Variants in SHROOM4 observed in about 807,000 individuals in gnomAD.
SHROOM4 encodes the protein shroom family member 4.
Under a neutral mutation model 80.3 loss-of-function variants are expected in SHROOM4, and 17 were observed. The ratio of observed to expected loss-of-function variants is 0.21; its 90% CI spans 0.14 to 0.32. The LOEUF (loss-of-function observed/expected upper bound fraction) is 0.32. Among genes scored for constraint, SHROOM4 ranks in the 10% least tolerant of loss-of-function variants. The probability of loss-of-function intolerance (pLI) is 1.00; values close to 1 mark genes in which losing one functional copy is unlikely to be tolerated. For missense variants in SHROOM4, 993 were observed against 1,140.3 expected (o/e 0.87, Z 1.86); for synonymous variants, 400 against 437.5 (o/e 0.91, Z 1.07).
chrX:50,683,597 T>C (rs1452856778), intron 2 of SHROOM4, among the ~76,000 whole-genome samples: 4 of 111,639 alleles, frequency 3.6e-5, no homozygotes, highest in Middle Eastern at 4.2e-3. Context: ...CAATTAGATA[T>C]AGCAATAAGG....
At position 50,695,926 on chromosome X, in the gene SHROOM4, T is replaced by C; in HGVS notation, c.129A>G (p.Gly43=). The C allele has an allele frequency of 8.3e-6, 10 of 1,211,830 alleles. No individual in the cohort carries two copies. Among genetic ancestry groups the C allele is most frequent in the Non-Finnish European group, 1.1e-5 (10 of 895,488 alleles). ...TCTTCTGGGACAAAGCTGCCTTGCC[T>C]CCATCTTCAATCTGTGTTGCAGAGA... The part of the protein sequence containing the change: ...EPLTVSKIED[G]GKAALSQKMR... Residue 43 remains glycine, a synonymous_variant, in exon 2 of 9, where the codon GGA becomes GGG. Transcript: ENST00000376020.
intron 1 of SHROOM4, among the ~76,000 whole-genome samples, chrX:50,756,679 C>T (rs1301348116): frequency 1.8e-4 from 20 of 112,086 alleles, no homozygotes; most frequent in African/African-American, 6.5e-4. Context: ...AATAGATAGC[C>T]ATTCCAGTGG....
intron 2 of SHROOM4, among the ~76,000 whole-genome samples, chrX:50,673,358 G>A (rs1378309981): frequency 9.0e-6 from 1 of 111,131 alleles, no homozygotes; most frequent in Admixed American, 9.6e-5. Context: ...GATACATGAT[G>A]TATATCTAAT....
intron 5 of SHROOM4, among the ~76,000 whole-genome samples, chrX:50,615,206 G>C (rs1370990536): frequency 9.1e-6 from 1 of 110,104 alleles, no homozygotes; most frequent in African/African-American, 3.3e-5. Context: ...ATCTGATTTT[G>C]TTATACATTT....
intron 2 of SHROOM4, among the ~76,000 whole-genome samples, chrX:50,657,730 T>C (rs1932359688): frequency 9.0e-6 from 1 of 111,116 alleles, no homozygotes; most frequent in Non-Finnish European, 1.9e-5. Context: ...TTTTTCATTG[T>C]ATATGCCTTT....
Position 50,590,452 on chromosome X carries a change from G to A in SHROOM4, c.*6243C>T, listed in dbSNP as rs782455925. Among the ~76,000 whole-genome samples the A allele has an allele frequency of 4.5e-5, 5 of 110,776 alleles. No individual in the cohort carries two copies. The highest frequency in any genetic ancestry group is 3.9e-4 in the South Asian group (1 of 2,562). ...TTTTTAGTAGAGATGGGGTTTCACC[G>A]TGTTAGCCAGGATGGTTGCGATCTC... On this transcript the variant is annotated 3_prime_UTR_variant, in exon 9 of 9. Transcript: ENST00000376020.
At chrX:50,661,806 C>T (rs1177020332) in intron 2 of SHROOM4, among the ~76,000 whole-genome samples, 2 of 111,644 alleles carry the variant, frequency 1.8e-5, no homozygotes, top group East Asian at 2.8e-4. Context: ...AGGACAACTC[C>T]GTGTGTAGAA....
chrX:50,718,682 C>A (rs1934030760), intron 1 of SHROOM4, among the ~76,000 whole-genome samples: 1 of 111,520 alleles, frequency 9.0e-6, no homozygotes, highest in Non-Finnish European at 1.9e-5. Context: ...GGAAGATGGG[C>A]TAGATTGGGG....
chrX:50,606,002 T>C lies in SHROOM4; in HGVS notation c.3761+1379A>G, dbSNP rs372914287. ...TCACAGGTATTTTTCACAAAATGTT[T>C]TCTAATTACAATGAGAATGCTCCCC... On this transcript the variant is annotated intron_variant, in intron 6 of 8. Coordinates refer to ENST00000376020, the MANE Select transcript of SHROOM4 (RefSeq NM_020717.5). Among the ~76,000 whole-genome samples, 37 of 112,071 alleles carry C rather than the reference T, an allele frequency of 3.3e-4. No homozygotes were observed. In the East Asian group the frequency reaches 7.6e-3, roughly 23 times the overall value.
chrX:50,744,146 T>C lies in SHROOM4; in HGVS notation c.118-48209A>G, dbSNP rs183464357. On this transcript the variant is annotated intron_variant, in intron 1 of 8. Transcript: ENST00000376020. ...ATCTTCTTTGATGTTTAGATTAATG[T>C]CTTTCATCATATTTGGGGATTTTAA... Among the ~76,000 whole-genome samples the C allele has an allele frequency of 3.6e-5, 4 of 111,903 alleles. No homozygotes were observed. In the East Asian group the frequency reaches 1.1e-3, roughly 31 times the overall value.
intron 2 of SHROOM4, among the ~76,000 whole-genome samples, chrX:50,661,132 G>T (rs1235875082): frequency 9.0e-6 from 1 of 110,952 alleles, no homozygotes; most frequent in Non-Finnish European, 1.9e-5. Flanking sequence ...TATTTTTCGG[G>T]TGCTTTAAAT....
the SHROOM4 span, among the ~76,000 whole-genome samples, chrX:50,580,994 A>G: frequency 1.8e-5 from 2 of 112,163 alleles, no homozygotes; most frequent in African/African-American, 6.5e-5. Context: ...GGGTAGGATC[A>G]AAGGGAATAT....
chrX:50,693,556 A>C (rs1265044113), intron 2 of SHROOM4, among the ~76,000 whole-genome samples: 2 of 99,667 alleles, frequency 2.0e-5, no homozygotes, highest in East Asian at 6.1e-4. Context: ...ACAGAGCAAA[A>C]CTCCATTTCA....
At chrX:50,786,208 C>T (rs1349268683) in intron 1 of SHROOM4, among the ~76,000 whole-genome samples, 1 of 111,810 alleles carries the variant, frequency 8.9e-6, no homozygotes, top group African/African-American at 3.3e-5. Flanking sequence ...ACCACATGTC[C>T]AGTGCCCCAA....
intron 1 of SHROOM4, among the ~76,000 whole-genome samples, chrX:50,795,333 A>C (rs1365534183): frequency 2.8e-5 from 3 of 108,013 alleles, no homozygotes; most frequent in Admixed American, 1.0e-4. Flanking sequence ...ATACAAACTC[A>C]AAAAGAAGAA....
chrX:50,606,461 C>T (rs782479682), intron 6 of SHROOM4, among the ~76,000 whole-genome samples: 36 of 110,946 alleles, frequency 3.2e-4, no homozygotes, highest in South Asian at 3.9e-4. Context: ...ACCTGCCTCC[C>T]GAACCTCAGC....
intron 2 of SHROOM4, among the ~76,000 whole-genome samples, chrX:50,689,250 G>A (rs1933160455): frequency 2.7e-5 from 3 of 111,346 alleles, no homozygotes; most frequent in Admixed American, 1.9e-4. Context: ...GAATAACCTG[G>A]AGGCTGATAA....
chrX:50,802,139 T>C (rs1936135735), intron 1 of SHROOM4, among the ~76,000 whole-genome samples: 1 of 111,827 alleles, frequency 8.9e-6, no homozygotes, highest in African/African-American at 3.3e-5. Flanking sequence ...ATCCCACAGA[T>C]TGGAGGAGAT....
At chrX:50,602,513 G>A in intron 7 of SHROOM4, 120 bp downstream of exon 7, 1 of 716,372 alleles carries the variant, frequency 1.4e-6, no homozygotes, top group Non-Finnish European at 2.2e-6. Flanking sequence ...GAGGCTGTAT[G>A]GTTTCCATAC....
Sources: allele counts gnomAD v4.1 joint callset (sites outside exome capture counted in the v4.1 genomes callset), GRCh38; gene constraint gnomAD v4.1.1; transcripts MANE v1.5; gene names NCBI Gene and HGNC (gene_info 2026-07-23, HGNC 2026-07-21).